The following UQCC1 variants were observed in gnomAD, a reference collection of about 807,000 sequenced individuals.
UQCC1 encodes ubiquinol-cytochrome c reductase complex assembly factor 1.
A neutral mutation model predicts 48.0 loss-of-function variants in UQCC1; 38 were observed. The observed-to-expected ratio is 0.79, with a 90% CI of 0.61 to 1.04. The LOEUF (loss-of-function observed/expected upper bound fraction) is 1.04, where lower values mean the gene tolerates loss of function less well. Among genes scored for constraint, UQCC1 ranks in the 50% least tolerant of loss-of-function variants. The pLI is 0.00. For synonymous variants in UQCC1, 111 were observed against 129.2 expected (o/e 0.86, Z 0.95); for missense variants, 368 against 381.8 (o/e 0.96, Z 0.30).
intron 6 of UQCC1, 102 bp from the exon 7 acceptor site, chr20:35,347,374 C>T: frequency 7.1e-7 from 1 of 1,401,126 alleles, no homozygotes; most frequent in Non-Finnish European, 9.9e-7. Flanking sequence ...TAGCAAAGGG[C>T]ACCAAATCAA....
chr20:35,411,660 G>A (rs2062366780), intron 1 of UQCC1, among the ~76,000 whole-genome samples: 1 of 152,122 alleles, frequency 6.6e-6, no homozygotes, highest in Non-Finnish European at 1.5e-5. Flanking sequence ...TCCTCTCCCT[G>A]AGGGGAAGCA....
At chr20:35,306,838 G>A (rs764520451) in intron 8 of UQCC1, 59 bp from the exon 9 acceptor site, 8 of 1,332,382 alleles carry the variant, frequency 6.0e-6, no homozygotes, top group East Asian at 4.6e-5. Flanking sequence ...GGACACAGAC[G>A]GTGGGGATAC....
chr20:35,388,568 G>A (rs1396750087), intron 2 of UQCC1, among the ~76,000 whole-genome samples: 1 of 152,108 alleles, frequency 6.6e-6, no homozygotes, highest in Non-Finnish European at 1.5e-5. Context: ...ATGAGCCACT[G>A]TGCCCGGACT....
intron 7 of UQCC1, among the ~76,000 whole-genome samples, chr20:35,329,073 A>C (rs555093397): frequency 6.6e-5 from 10 of 152,354 alleles, no homozygotes; most frequent in Admixed American, 5.2e-4. Flanking sequence ...TACTGGATCT[A>C]GAGGAAATAC....
At position 35,389,544 on chromosome 20, in the gene UQCC1, G is replaced by C. The variant is rs529397793; in HGVS notation, c.129+4548C>G. On this transcript the variant is annotated intron_variant, in intron 2 of 9. Coordinates refer to ENST00000374385, the MANE Select transcript of UQCC1 (RefSeq NM_018244.5). ...CGCCACTGCACTCCAGCCTGAGTGA[G>C]AGAGTGAGACTCCGTCTCAAAAAAA... Among the ~76,000 whole-genome samples, 1,038 of 151,522 alleles carry C rather than the reference G, an allele frequency of 6.9e-3. 16 individuals carry two copies. Among genetic ancestry groups the C allele is most frequent in the African/African-American group, 0.024 (992 of 41,356 alleles).
At position 35,318,997 on chromosome 20, in the gene UQCC1, T is replaced by C. The variant is rs78169629; in HGVS notation, c.574-4232A>G. The stretch of plus-strand genomic sequence containing the variant: ...CAGAAGAGAAACTCCTCCCAGATAG[T>C]GTTGGGCCGTTCTCTTATTAAACTC... On this transcript the variant is annotated intron_variant, in intron 7 of 9. Coordinates refer to ENST00000374385, the MANE Select transcript of UQCC1 (RefSeq NM_018244.5). 1.2e-3 allele frequency among the ~76,000 whole-genome samples: 184 copies of C among 152,280 alleles called. 1 individual carries two copies. The highest frequency in any genetic ancestry group is 2.0e-3 in the Non-Finnish European group (139 of 68,026).
At chr20:35,357,568 A>G (rs1028187802) in intron 6 of UQCC1, among the ~76,000 whole-genome samples, 2 of 151,428 alleles carry the variant, frequency 1.3e-5, no homozygotes, top group African/African-American at 2.4e-5. Context: ...TCTCAGCTAC[A>G]GTCTGAGGCA....
intron 1 of UQCC1, 42 bp downstream of exon 1, chr20:35,411,898 G>C (rs759634994): frequency 1.2e-6 from 2 of 1,613,758 alleles, no homozygotes; most frequent in African/African-American, 1.3e-5. Flanking sequence ...ACTCCAACCC[G>C]GGACCCAGAG....
intron 8 of UQCC1, 158 bp from the exon 9 acceptor site, chr20:35,306,937 G>A: frequency 1.4e-6 from 1 of 690,730 alleles, no homozygotes; most frequent in Non-Finnish European, 2.6e-6. Flanking sequence ...AGAGGTGGAA[G>A]GGGTCTTACA....
At chr20:35,376,334 C>A (rs1424249604) in intron 4 of UQCC1, among the ~76,000 whole-genome samples, 1 of 151,744 alleles carries the variant, frequency 6.6e-6, no homozygotes, top group Non-Finnish European at 1.5e-5. Context: ...AAATTGATAA[C>A]CTATAAAACT....
intron 7 of UQCC1, among the ~76,000 whole-genome samples, chr20:35,328,345 CTTTCCTT>C (rs2061219986): frequency 6.6e-6 from 1 of 152,202 alleles, no homozygotes; most frequent in South Asian, 2.1e-4. Flanking sequence ...GCAAAACCAC[CTTTCCTT>C]TTTCCTTTTC....
At chr20:35,325,111 TGTATAATTTGATTTATATGAGGTACTTA>T (rs2061177882) in intron 7 of UQCC1, among the ~76,000 whole-genome samples, 1 of 152,236 alleles carries the variant, frequency 6.6e-6, no homozygotes, top group African/African-American at 2.4e-5. Flanking sequence ...GGACAAATAT[TGTATAATTTGATTTATATGAGGTACTTA>T]GGTACCTTCA....
rs1309651281 is a variant in UQCC1, at chr20:35,366,551, A to G, written c.464+6T>C. ...TTTGGTGACTTCATTTAAATTGCTC[A>G]CTTACCAGACGTGGAGTAGGGTTAT... On this transcript the variant is annotated splice_donor_region_variant and intron_variant, in intron 6 of 9. Coordinates refer to ENST00000374385, the MANE Select transcript of UQCC1 (RefSeq NM_018244.5). 1.2e-6 allele frequency: 2 copies of G among 1,613,488 alleles called. No individual in the cohort carries two copies. Among genetic ancestry groups the G allele is most frequent in the Non-Finnish European group, 1.7e-6 (2 of 1,179,650 alleles).
intron 7 of UQCC1, among the ~76,000 whole-genome samples, chr20:35,332,793 A>C (rs1260055269): frequency 6.6e-6 from 1 of 152,090 alleles, no homozygotes; most frequent in East Asian, 1.9e-4. Context: ...TGTCCTCCAA[A>C]CTCTGAGAGC....
At chr20:35,362,711 T>G (rs981131027) in intron 6 of UQCC1, among the ~76,000 whole-genome samples, 1 of 151,970 alleles carries the variant, frequency 6.6e-6, no homozygotes, top group Non-Finnish European at 1.5e-5. Flanking sequence ...AGTGAGTGCA[T>G]GTGTGTGCGT....
intron 6 of UQCC1, among the ~76,000 whole-genome samples, chr20:35,358,886 AT>A (rs2061576309): frequency 6.6e-6 from 1 of 152,182 alleles, no homozygotes; most frequent in African/African-American, 2.4e-5. Context: ...CCCACAATTT[AT>A]TATTTAGGTT....
chr20:35,407,777 T>C (rs2062274032), intron 1 of UQCC1, among the ~76,000 whole-genome samples: 1 of 151,768 alleles, frequency 6.6e-6, no homozygotes, highest in South Asian at 2.1e-4. Context: ...AATCCCAGGA[T>C]TTTGGGAGGC....
At chr20:35,333,961 G>T (rs2061287015) in intron 7 of UQCC1, among the ~76,000 whole-genome samples, 1 of 152,172 alleles carries the variant, frequency 6.6e-6, no homozygotes, top group Admixed American at 6.5e-5. Flanking sequence ...CTGAAGGCCG[G>T]GGGCTGGGAA....
At chr20:35,406,160 T>C (rs1291227225) in intron 1 of UQCC1, among the ~76,000 whole-genome samples, 1 of 152,078 alleles carries the variant, frequency 6.6e-6, no homozygotes, top group Admixed American at 6.6e-5. Context: ...ATATGTATAA[T>C]TAGAGTCTCA....
Sources: gnomAD v4.1 joint callset for allele counts (sites outside exome capture counted in the v4.1 genomes callset) on GRCh38, gnomAD v4.1.1 for gene constraint, MANE v1.5 for transcripts, NCBI Gene and HGNC (gene_info 2026-07-23, HGNC 2026-07-21) for gene names.